SENP1: variants seen among roughly 807,000 people sequenced by gnomAD.
SENP1 encodes SUMO specific peptidase 1, also known as sentrin-specific protease 1.
In SENP1, 21 loss-of-function variants were observed where a neutral mutation model predicts 93.0. The observed-to-expected ratio is 0.23, with a 90% CI of 0.16 to 0.33. The LOEUF (loss-of-function observed/expected upper bound fraction) is 0.33. Among genes scored for constraint, SENP1 ranks in the 10% least tolerant of loss-of-function variants. SENP1 has a pLI of 1.00. For missense variants in SENP1, 591 were observed against 758.7 expected, an observed-to-expected ratio of 0.78 and a Z score of 2.60; for synonymous variants, 256 against 259.6, an observed-to-expected ratio of 0.99 and a Z score of 0.13.
At chr12:48,077,202 C>A (rs547256776) in intron 6 of SENP1, among the ~76,000 whole-genome samples, 34 of 152,258 alleles carry the variant, frequency 2.2e-4, no homozygotes, top group African/African-American at 8.2e-4. Context: ...AGAATGGATG[C>A]AAATATTTTC....
chr12:48,098,003 A>G lies in SENP1; in HGVS notation c.126T>C (p.Ser42=). 6.2e-7 allele frequency: 1 copy of G among 1,613,618 alleles called. No individual in the cohort carries two copies. The highest frequency in any genetic ancestry group is 1.1e-5 in the South Asian group (1 of 90,978). ...GAAAATTGCTCCTAACCTGCTGGTC[A>G]GAAAGCGAAAGCTGGTCCTCTGGAA... ...TGFPEDQLSL[S]DQQILSSRQG... is the part of the protein sequence containing the mutation. The change falls in exon 3 of 18, where the codon TCT becomes TCC. Residue 42 remains serine, a synonymous_variant. Transcript: ENST00000549518.
At chr12:48,082,124 C>T (rs1012820199) in intron 6 of SENP1, among the ~76,000 whole-genome samples, 14 of 151,562 alleles carry the variant, frequency 9.2e-5, no homozygotes, top group African/African-American at 1.5e-4. Flanking sequence ...CTCCTGACCT[C>T]GTGATCCGCC....
chr12:48,045,037 T>G lies in SENP1; in HGVS notation c.*285A>C. On this transcript the variant is annotated 3_prime_UTR_variant, in exon 18 of 18. Coordinates refer to ENST00000549518, the MANE Select transcript of SENP1 (RefSeq NM_001267594.2). The stretch of plus-strand genomic sequence containing the variant: ...AGGGACTGAGTGAGGCTGGAGCCCT[T>G]TGAAAACAAGATGGCAGAACTGAAG... The G allele has an allele frequency of 4.8e-6, 2 of 412,708 alleles. No individual in the cohort carries two copies. Among genetic ancestry groups the G allele is most frequent in the Non-Finnish European group, 8.8e-6 (2 of 227,452 alleles). The allele number at this position is 412,708 out of a possible 1,614,324, so 25.6% of individuals were successfully genotyped here.
Position 48,085,715 on chromosome 12 carries a change from CAAAAAAAA to C in SENP1, c.381-1961_381-1954del, listed in dbSNP as rs200416260. 2.6e-3 allele frequency among the ~76,000 whole-genome samples: 300 copies of C among 116,274 alleles called. 1 individual carries two copies. Among genetic ancestry groups the C allele is most frequent in the Middle Eastern group, 9.6e-3 (2 of 208 alleles). 76.3% of individuals were successfully genotyped at this position (116,274 alleles called of 152,430 possible). A position where few individuals can be genotyped will look rare whatever the true frequency, so the allele number is the denominator to read the frequency against. ...ATTACAGTCATATTCTTGCTTCTCTCAAAAAAAAAAAAAAAAAAAAAAAAAGAATGGGG... is the reference window on the plus strand; with the variant it reads ...ATTACAGTCATATTCTTGCTTCTCTCAAAAAAAAAAAAAAAAAGAATGGGG... On this transcript the variant is annotated intron_variant, in intron 5 of 17. Transcript: ENST00000549518.
At chr12:48,064,341 T>C (rs1170696938) in intron 12 of SENP1, among the ~76,000 whole-genome samples, 3 of 152,194 alleles carry the variant, frequency 2.0e-5, no homozygotes, top group African/African-American at 7.2e-5. Flanking sequence ...TGGTAGTGTT[T>C]CAAAGAGAAG....
At chr12:48,063,157 A>C (rs148893040) in intron 13 of SENP1, among the ~76,000 whole-genome samples, 265 of 152,328 alleles carry the variant, frequency 1.7e-3, no homozygotes, top group African/African-American at 6.0e-3. Flanking sequence ...TTAGGAGGTG[A>C]AGACCGTAAC....
At chr12:48,048,137 G>C in intron 14 of SENP1, 57 bp from the exon 15 acceptor site, 3 of 1,159,838 alleles carry the variant, frequency 2.6e-6, no homozygotes, top group Non-Finnish European at 3.9e-6. Flanking sequence ...CGGTTTATCA[G>C]TTTTTCCCTT....
At chr12:48,065,735 A>G in intron 10 of SENP1, 55 bp from the exon 11 acceptor site, 2 of 1,108,584 alleles carry the variant, frequency 1.8e-6, no homozygotes, top group Admixed American at 4.1e-5. Context: ...TATGAAACAT[A>G]TTGTTGATGT....
chr12:48,047,872 T>C (rs1000453828), intron 15 of SENP1, 129 bp downstream of exon 15: 1 of 633,498 alleles, frequency 1.6e-6, no homozygotes, highest in African/African-American at 1.9e-5. Context: ...ATACAAAATA[T>C]GCATTTTTAC....
intron 5 of SENP1, chr12:48,085,369 A>T (rs906892028): frequency 2.2e-6 from 3 of 1,382,454 alleles, no homozygotes; most frequent in Non-Finnish European, 3.1e-6. Context: ...GACGCCAAGG[A>T]CTCCACCCTG....
At chr12:48,099,496 GT>G (rs1206854296) in intron 2 of SENP1, among the ~76,000 whole-genome samples, 7 of 152,090 alleles carry the variant, frequency 4.6e-5, no homozygotes, top group Non-Finnish European at 5.9e-5. Flanking sequence ...TTCATTTCCT[GT>G]TTTAACACAA....
intron 5 of SENP1, among the ~76,000 whole-genome samples, chr12:48,084,183 T>C (rs1377789837): frequency 1.3e-5 from 2 of 152,224 alleles, no homozygotes; most frequent in African/African-American, 2.4e-5. Context: ...AGATTAAATA[T>C]GTAAAAATGC....
intron 13 of SENP1, among the ~76,000 whole-genome samples, chr12:48,058,242 G>A (rs1029065841): frequency 2.0e-5 from 3 of 152,052 alleles, no homozygotes; most frequent in East Asian, 1.9e-4. Flanking sequence ...CACTGCACTC[G>A]GCCCATTTTA....
chr12:48,083,687 A>G lies in SENP1; in HGVS notation c.456T>C (p.Ile152=), dbSNP rs751758580. The change falls in exon 6 of 18, where the codon ATT becomes ATC. Residue 152 remains isoleucine, a synonymous_variant. Transcript: ENST00000549518. The part of the protein sequence containing the change: ...HVSAYEKSFP[I]KPVPSPSWSG... ...TCCAAGATGGACTTGGAACAGGTTT[A>G]ATAGGAAAAGATTTTTCATATGCAG... 6.2e-7 allele frequency: 1 copy of G among 1,613,538 alleles called. No individual in the cohort carries two copies. Among genetic ancestry groups the G allele is most frequent in the South Asian group, 1.1e-5 (1 of 90,992 alleles).
At chr12:48,055,987 T>C (rs1357713199) in intron 13 of SENP1, among the ~76,000 whole-genome samples, 1 of 132,116 alleles carries the variant, frequency 7.6e-6, no homozygotes, top group Non-Finnish European at 1.5e-5. Flanking sequence ...TAATACATGA[T>C]ATATATTATT....
chr12:48,061,171 A>G (rs1171676767), intron 13 of SENP1, among the ~76,000 whole-genome samples: 2 of 152,110 alleles, frequency 1.3e-5, no homozygotes, highest in African/African-American at 4.8e-5. Flanking sequence ...CCTTGCTCTT[A>G]TATTACTTTT....
intron 4 of SENP1, among the ~76,000 whole-genome samples, chr12:48,093,959 C>T (rs1945388303): frequency 6.6e-6 from 1 of 151,764 alleles, no homozygotes; most frequent in African/African-American, 2.4e-5. Flanking sequence ...GAGACCCTGT[C>T]TCAAAAAAAA....
chr12:48,069,106 T>C (rs1425620286), intron 9 of SENP1, among the ~76,000 whole-genome samples: 1 of 128,574 alleles, frequency 7.8e-6, no homozygotes, highest in Non-Finnish European at 1.5e-5. Context: ...TGAGCAGAGA[T>C]TGTGCCACTG....
At chr12:48,088,399 T>G (rs1195164308) in intron 5 of SENP1, among the ~76,000 whole-genome samples, 1 of 152,196 alleles carries the variant, frequency 6.6e-6, no homozygotes, top group Non-Finnish European at 1.5e-5. Flanking sequence ...TTGGTCTACT[T>G]GACTAATGCC....
Sources: allele counts gnomAD v4.1 joint callset (sites outside exome capture counted in the v4.1 genomes callset), GRCh38; gene constraint gnomAD v4.1.1; transcripts MANE v1.5; gene names NCBI Gene and HGNC (gene_info 2026-07-23, HGNC 2026-07-21).